The following CLYBL variants were observed in gnomAD, a reference collection of about 807,000 sequenced individuals.
CLYBL encodes the protein citramalyl-CoA lyase, also known as citramalyl-CoA lyase, mitochondrial.
Under a neutral mutation model 38.9 loss-of-function variants are expected in CLYBL, and 31 were observed. The observed-to-expected ratio is 0.80, with a 90% CI of 0.60 to 1.08. CLYBL has a LOEUF of 1.08. CLYBL is among the 50% of genes least tolerant of loss of function. The pLI, the probability that CLYBL is intolerant of heterozygous loss-of-function variation, is 0.00. For synonymous variants in CLYBL, 171 were observed against 158.6 expected (o/e 1.08, Z -0.59); for missense variants, 434 against 411.6 (o/e 1.05, Z -0.47).
chr13:99,743,888 G>A (rs1029386965), intron 1 of CLYBL, among the ~76,000 whole-genome samples: 1 of 151,706 alleles, frequency 6.6e-6, no homozygotes, highest in South Asian at 2.1e-4. Context: ...GCAGTCTAGC[G>A]GTATTGCGGG....
chr13:99,764,919 C>T (rs1401220462), intron 1 of CLYBL, among the ~76,000 whole-genome samples: 1 of 151,914 alleles, frequency 6.6e-6, no homozygotes, highest in Admixed American at 6.6e-5. Context: ...TGAACTCCTG[C>T]CTCAGGCAAT....
At chr13:99,782,695 T>C (rs1344104910) in intron 2 of CLYBL, among the ~76,000 whole-genome samples, 3 of 152,156 alleles carry the variant, frequency 2.0e-5, no homozygotes, top group Non-Finnish European at 4.4e-5. Context: ...ACTCTTTTTC[T>C]CCCTCCCTTC....
At chr13:99,853,693 A>ATCTCT (rs1451012816) in intron 2 of CLYBL, among the ~76,000 whole-genome samples, 4 of 152,158 alleles carry the variant, frequency 2.6e-5, no homozygotes, top group Admixed American at 6.5e-5. Context: ...TCATTATTAC[A>ATCTCT]GTAAATTTTT....
rs1319737483 is a variant in CLYBL at position 99,772,704 on chromosome 13, T to G, written c.63-120T>G. The G allele has an allele frequency of 1.2e-5, 11 of 890,476 alleles. No homozygotes were observed. The East Asian group carries it at 3.0e-4, about 24-fold the overall frequency. 55.2% of individuals were successfully genotyped at this position (890,476 alleles called of 1,614,324 possible). ...AGAGCAAGACCCTGTCTCAAAAAAA[T>G]AAAAATAAAAAAAGATTATCCATGT... On this transcript the variant is annotated intron_variant, in intron 1 of 8. Transcript: ENST00000339105.
intron 1 of CLYBL, among the ~76,000 whole-genome samples, chr13:99,674,988 C>T (rs1051964513): frequency 1.3e-5 from 2 of 152,118 alleles, no homozygotes; most frequent in South Asian, 2.1e-4. Flanking sequence ...GAACAATGAT[C>T]GCTCCTGTGA....
chr13:99,855,285 T>C (rs968531101), intron 2 of CLYBL, among the ~76,000 whole-genome samples: 6 of 152,132 alleles, frequency 3.9e-5, no homozygotes, highest in African/African-American at 1.2e-4. Flanking sequence ...TCCTAGGATA[T>C]AAAAGCCCCC....
intron 2 of CLYBL, among the ~76,000 whole-genome samples, chr13:99,786,515 G>A (rs1160889028): frequency 1.3e-5 from 2 of 152,026 alleles, no homozygotes; most frequent in Non-Finnish European, 2.9e-5. Flanking sequence ...CTTCATCCAT[G>A]TCCCTACAAA....
intron 2 of CLYBL, among the ~76,000 whole-genome samples, chr13:99,827,776 A>G (rs1195373583): frequency 6.6e-6 from 1 of 152,222 alleles, no homozygotes; most frequent in African/African-American, 2.4e-5. Context: ...TTGTCCCGAC[A>G]GGCGCCATCG....
In CLYBL at chr13:99,887,610, G is replaced by A. The variant is rs755071327; in HGVS notation, c.928-3708G>A. Among the ~76,000 whole-genome samples, 60 of 152,102 alleles carry A rather than the reference G, an allele frequency of 3.9e-4. 1 individual carries two copies. The highest frequency in any genetic ancestry group is 7.6e-4 in the Non-Finnish European group (52 of 68,020). ...CTCGTCTCTACATAAAAAATTAGCT[G>A]GGCATGGTGGTGCACACCTATGGTC... is the stretch of plus-strand genomic sequence containing the variant. On this transcript the variant is annotated intron_variant, in intron 7 of 8. Coordinates refer to ENST00000339105, the MANE Select transcript of CLYBL (RefSeq NM_206808.5).
In CLYBL at chr13:99,728,262, A is replaced by G. The variant is rs959603789; in HGVS notation, c.63-44562A>G. 6.1e-5 allele frequency among the ~76,000 whole-genome samples: 9 copies of G among 148,488 alleles called. No individual in the cohort carries two copies. In the East Asian group the frequency reaches 8.3e-4, roughly 14 times the overall value. On this transcript the variant is annotated intron_variant, in intron 1 of 8. Coordinates refer to ENST00000339105, the MANE Select transcript of CLYBL (RefSeq NM_206808.5). ...GGGTACTTATTAATACTTAATATAC[A>G]TATGTTTCTTTTCTTTTCTTTTTTT...
intron 1 of CLYBL, among the ~76,000 whole-genome samples, chr13:99,654,502 G>C (rs7316944): frequency 0.37 from 56,383 of 152,042 alleles, 11,706 homozygotes; most frequent in African/African-American, 0.57. Flanking sequence ...CTCTTTCCCA[G>C]CATATTATGC....
chr13:99,652,464 T>C (rs141249995), intron 1 of CLYBL, among the ~76,000 whole-genome samples: 1 of 151,948 alleles, frequency 6.6e-6, no homozygotes, highest in Non-Finnish European at 1.5e-5. Flanking sequence ...TCCCAGCACT[T>C]TGGGAGGCTG....
intron 1 of CLYBL, among the ~76,000 whole-genome samples, chr13:99,764,847 A>ATT (rs756835141): frequency 1.4e-5 from 2 of 140,142 alleles, no homozygotes; most frequent in African/African-American, 2.6e-5. Flanking sequence ...TGCCTGGCTA[A>ATT]TTTTTTTTTT....
Position 99,731,957 on chromosome 13 carries a change from C to G in CLYBL, c.63-40867C>G, listed in dbSNP as rs1267716037. Reference sequence around the variant, plus strand: ...GCTGATGTGGTGACATACTTTGGAGCACAGGGCATACAGGCATCCCTGCAC... The same window carrying G: ...GCTGATGTGGTGACATACTTTGGAGGACAGGGCATACAGGCATCCCTGCAC... On this transcript the variant is annotated intron_variant, in intron 1 of 8. Coordinates refer to ENST00000339105, the MANE Select transcript of CLYBL (RefSeq NM_206808.5). Among the ~76,000 whole-genome samples, 5 of 152,194 alleles carry G rather than the reference C, an allele frequency of 3.3e-5. No homozygotes were observed. In the East Asian group the frequency reaches 9.6e-4, roughly 29 times the overall value.
rs530907534 is a variant in CLYBL, at chr13:99,772,673, G to T, written c.63-151G>T. ...GATCACACCACTGCACTTCAAACTG[G>T]GCGACAGAGCAAGACCCTGTCTCAA... On this transcript the variant is annotated intron_variant, in intron 1 of 8. Transcript: ENST00000339105. The T allele has an allele frequency of 4.0e-4, 255 of 630,666 alleles. 2 individuals are homozygous for T. In the South Asian group the frequency reaches 4.5e-3, roughly 11 times the overall value. The allele number at this position is 630,666 out of a possible 1,614,324, so 39.1% of individuals were successfully genotyped here.
At chr13:99,758,347 C>T (rs1594163673) in intron 1 of CLYBL, among the ~76,000 whole-genome samples, 1 of 152,272 alleles carries the variant, frequency 6.6e-6, no homozygotes, top group East Asian at 1.9e-4. Flanking sequence ...AAAAAGGTCC[C>T]TCTTTAGAGA....
intron 1 of CLYBL, among the ~76,000 whole-genome samples, chr13:99,738,029 T>C (rs999125297): frequency 1.3e-5 from 2 of 152,206 alleles, no homozygotes; most frequent in African/African-American, 4.8e-5. Flanking sequence ...ATCAAGGGCT[T>C]AATTGCCTCC....
chr13:99,728,609 T>G (rs2048525827), intron 1 of CLYBL, among the ~76,000 whole-genome samples: 1 of 151,810 alleles, frequency 6.6e-6, no homozygotes, highest in East Asian at 1.9e-4. Context: ...AGGGTCTCAC[T>G]GTGTTACCCA....
intron 1 of CLYBL, among the ~76,000 whole-genome samples, chr13:99,771,062 A>G (rs1225801237): frequency 9.0e-6 from 1 of 111,272 alleles, no homozygotes; most frequent in Non-Finnish European, 1.7e-5. Context: ...GAGGCAAGGT[A>G]TTGCTCTGTT....
Sources: allele counts gnomAD v4.1 joint callset (sites outside exome capture counted in the v4.1 genomes callset), GRCh38; gene constraint gnomAD v4.1.1; transcripts MANE v1.5; gene names NCBI Gene and HGNC (gene_info 2026-07-23, HGNC 2026-07-21).